CNTN6: variants seen among roughly 807,000 people sequenced by gnomAD.
CNTN6 encodes contactin 6.
A neutral mutation model predicts 122.8 loss-of-function variants in CNTN6; 137 were observed. The ratio of observed to expected loss-of-function variants is 1.12; its 90% CI spans 0.97 to 1.29. CNTN6 has a LOEUF of 1.29. Ranked by LOEUF, CNTN6 falls within the 50% of genes most tolerant of loss-of-function variation. The probability of loss-of-function intolerance (pLI) is 0.00; values close to 1 mark genes in which losing one functional copy is unlikely to be tolerated. For missense variants in CNTN6, 1,634 were observed against 1,223.4 expected, an observed-to-expected ratio of 1.34 and a Z score of -5.01; for synonymous variants, 570 against 426.0, an observed-to-expected ratio of 1.34 and a Z score of -4.16.
At chr3:1,210,404 G>GAA (rs376048615) in intron 2 of CNTN6, among the ~76,000 whole-genome samples, 4 of 84,086 alleles carry the variant, frequency 4.8e-5, no homozygotes, top group African/African-American at 1.7e-4. Context: ...GGAAGGGAAG[G>GAA]AAAGGGAAGG....
rs1236262505 is a variant in CNTN6 at position 1,327,555 on chromosome 3, A to G, written c.1182A>G (p.Ile394Met). ...GTGCTGCAGAAAACAAATATCAGAT[A>G]ATTTATGCAAATGCTGAATTGAGAG... Reference protein sequence around the residue: ...YQCAAENKYQIIYANAELRVL... With the variant: ...YQCAAENKYQMIYANAELRVL... Residue 394 changes from isoleucine (I) to methionine (M), a missense_variant, in exon 10 of 23, where the codon ATA becomes ATG. Physicochemically the swap from Ile to Met is conservative, Grantham distance 10. Transcript: ENST00000446702. 3 of 1,610,406 alleles carry G rather than the reference A, an allele frequency of 1.9e-6. No individual in the cohort carries two copies. Among genetic ancestry groups the G allele is most frequent in the Non-Finnish European group, 2.5e-6 (3 of 1,177,936 alleles).
At chr3:1,324,704 TTTTTTTTCCTTCCCGGTGACTACC>T (rs1301968389) in intron 8 of CNTN6, among the ~76,000 whole-genome samples, 61 of 149,634 alleles carry the variant, frequency 4.1e-4, no homozygotes, top group African/African-American at 1.3e-3. Flanking sequence ...TTGCATTGAC[TTTTTTTTCCTTCCCGGTGACTACC>T]TTTTTTTCCT....
intron 2 of CNTN6, among the ~76,000 whole-genome samples, chr3:1,174,021 A>G (rs759410356): frequency 1.2e-4 from 19 of 152,216 alleles, no homozygotes; most frequent in Non-Finnish European, 2.8e-4. Flanking sequence ...AGAAAACACC[A>G]GTAATAGAAA....
intron 16 of CNTN6, among the ~76,000 whole-genome samples, chr3:1,374,446 A>G (rs1199650895): frequency 6.6e-6 from 1 of 152,108 alleles, no homozygotes; most frequent in East Asian, 1.9e-4. Context: ...CTGTTGGTGC[A>G]GTCAGCCATA....
intron 7 of CNTN6, among the ~76,000 whole-genome samples, chr3:1,313,088 C>T (rs530037258): frequency 2.6e-5 from 4 of 151,864 alleles, no homozygotes; most frequent in East Asian, 1.9e-4. Flanking sequence ...CAAGATCAAA[C>T]GGAATAAATT....
chr3:1,137,214 G>C (rs897946394), intron 1 of CNTN6, among the ~76,000 whole-genome samples: 1 of 152,278 alleles, frequency 6.6e-6, no homozygotes, highest in East Asian at 1.9e-4. Flanking sequence ...GGAACTAGGT[G>C]TGAGACAATA....
At chr3:1,160,571 A>T (rs1054746408) in intron 2 of CNTN6, among the ~76,000 whole-genome samples, 3 of 151,170 alleles carry the variant, frequency 2.0e-5, no homozygotes, top group African/African-American at 7.3e-5. Context: ...TGGTGTTTTT[A>T]AAAGGACCTA....
At position 1,147,993 on chromosome 3, in the gene CNTN6, A is replaced by C; in HGVS notation, c.-16A>C. The C allele has an allele frequency of 6.2e-7, 1 of 1,602,182 alleles. No homozygotes were observed. The highest frequency in any genetic ancestry group is 8.5e-7 in the Non-Finnish European group (1 of 1,170,902). On this transcript the variant is annotated 5_prime_UTR_variant, in exon 2 of 23. Coordinates refer to ENST00000446702, the MANE Select transcript of CNTN6 (RefSeq NM_001289080.2). ...CCTGATTGTATGGGAGAAATTTTTG[A>C]CCTTAGAAAGTGGAAATGAGGTTGC...
At chr3:1,357,775 C>T (rs1353399862) in intron 12 of CNTN6, among the ~76,000 whole-genome samples, 3 of 151,690 alleles carry the variant, frequency 2.0e-5, no homozygotes, top group Non-Finnish European at 4.4e-5. Flanking sequence ...TTTATATGTA[C>T]ATTTTTATAT....
At chr3:1,146,342 G>C (rs2092722450) in intron 1 of CNTN6, among the ~76,000 whole-genome samples, 2 of 151,986 alleles carry the variant, frequency 1.3e-5, no homozygotes, top group South Asian at 4.2e-4. Flanking sequence ...GCAACTCAAG[G>C]CTTGCTATAG....
chr3:1,381,379 T>C (rs1380311507), intron 17 of CNTN6, among the ~76,000 whole-genome samples: 1 of 152,216 alleles, frequency 6.6e-6, no homozygotes. Flanking sequence ...TTTCACTTTC[T>C]GTATTTGTTA....
At chr3:1,135,897 C>T (rs2092459794) in intron 1 of CNTN6, among the ~76,000 whole-genome samples, 1 of 152,058 alleles carries the variant, frequency 6.6e-6, no homozygotes. Context: ...GAGGCTAAGG[C>T]AGGAAAATCA....
At chr3:1,312,839 A>G (rs1463993072) in intron 7 of CNTN6, among the ~76,000 whole-genome samples, 1 of 145,050 alleles carries the variant, frequency 6.9e-6, no homozygotes, top group South Asian at 2.2e-4. Flanking sequence ...AATTTACTGT[A>G]TGATGTTGGG....
chr3:1,146,747 CAAAT>C (rs1278786236), intron 1 of CNTN6, among the ~76,000 whole-genome samples: 1 of 151,550 alleles, frequency 6.6e-6, no homozygotes, highest in Non-Finnish European at 1.5e-5. Flanking sequence ...AAGAAACAAA[CAAAT>C]AAATAAATGC....
chr3:1,295,387 G>A (rs1157010762), intron 5 of CNTN6, among the ~76,000 whole-genome samples: 1 of 152,004 alleles, frequency 6.6e-6, no homozygotes, highest in East Asian at 1.9e-4. Context: ...GTCAATGATG[G>A]GGAAAGTGCC....
intron 9 of CNTN6, among the ~76,000 whole-genome samples, chr3:1,326,835 G>C (rs141157735): frequency 6.6e-6 from 1 of 151,802 alleles, no homozygotes; most frequent in African/African-American, 2.4e-5. Flanking sequence ...TTCCCTAGAG[G>C]ATGGTAATAC....
intron 8 of CNTN6, among the ~76,000 whole-genome samples, chr3:1,322,943 TA>T (rs1701063091): frequency 6.6e-6 from 1 of 151,678 alleles, no homozygotes; most frequent in South Asian, 2.1e-4. Context: ...CCTTTGTAAA[TA>T]AAATAGGATA....
chr3:1,372,248 C>A, intron 12 of CNTN6, 51 bp from the exon 13 acceptor site: 1 of 1,407,194 alleles, frequency 7.1e-7, no homozygotes, highest in South Asian at 1.3e-5. Flanking sequence ...TATTTTATAA[C>A]CATAGGCTAG....
intron 2 of CNTN6, among the ~76,000 whole-genome samples, chr3:1,208,842 C>T: frequency 6.6e-6 from 1 of 152,100 alleles, no homozygotes; most frequent in South Asian, 2.1e-4. Context: ...ACTATGCTCC[C>T]AAATTATTAT....
Sources: gnomAD v4.1 joint callset for allele counts (sites outside exome capture counted in the v4.1 genomes callset) on GRCh38, gnomAD v4.1.1 for gene constraint, MANE v1.5 for transcripts, NCBI Gene and HGNC (gene_info 2026-07-23, HGNC 2026-07-21) for gene names.